Variants in RAB19 observed in about 807,000 individuals in gnomAD.
RAB19 encodes the protein ras-related protein Rab-19.
RAB19 carries 21 observed loss-of-function variants against 17.3 expected under a neutral mutation model. The observed-to-expected ratio is 1.21, with a 90% CI of 0.86 to 1.74. The LOEUF (loss-of-function observed/expected upper bound fraction) is 1.74. Among genes scored for constraint, RAB19 ranks in the 40% most tolerant of loss-of-function variants. RAB19 has a pLI of 0.00. For missense variants in RAB19, 277 were observed against 286.8 expected, an observed-to-expected ratio of 0.97 and a Z score of 0.25; for synonymous variants, 126 against 110.4, an observed-to-expected ratio of 1.14 and a Z score of -0.88.
rs180693318 is a variant in RAB19, at chr7:140,409,823, C to A, written c.201+1976C>A. On this transcript the variant is annotated intron_variant, in intron 2 of 3. Transcript: ENST00000537763. ...CCTGGCTAACACGGTGAAACCCCGT[C>A]TCTACTAAAAATACAAAAAATCAGC... 3.1e-3 allele frequency among the ~76,000 whole-genome samples: 464 copies of A among 151,880 alleles called. 5 individuals carry two copies. Among genetic ancestry groups the A allele is most frequent in the African/African-American group, 0.011 (449 of 41,448 alleles).
Position 140,427,511 on chromosome 7 carries a change from G to A in RAB19, c.*1361G>A, listed in dbSNP as rs1394556374. Among the ~76,000 whole-genome samples the A allele has an allele frequency of 1.4e-5, 2 of 144,984 alleles. No homozygotes were observed. The highest frequency in any genetic ancestry group is 1.4e-4 in the Admixed American group (2 of 14,094). On this transcript the variant is annotated 3_prime_UTR_variant, in exon 4 of 4. Transcript: ENST00000537763. ...TTGTTGCCCAGGCTGGAGTGCAATG[G>A]TGTGACCTCGGCTCACTGCAACTTC...
At chr7:140,407,880 C>CAT in intron 2 of RAB19, 33 bp downstream of exon 2, 1 of 637,324 alleles carries the variant, frequency 1.6e-6, no homozygotes, top group Non-Finnish European at 2.3e-6. Context: ...CTGGTTCCAC[C>CAT]TTTTTTTTTT....
intron 3 of RAB19, among the ~76,000 whole-genome samples, chr7:140,420,506 G>C (rs1346252880): frequency 6.6e-6 from 1 of 152,070 alleles, no homozygotes; most frequent in Non-Finnish European, 1.5e-5. Context: ...CCCTGGGAAG[G>C]AGAGAACGGA....
chr7:140,414,338 G>A (rs912605385), intron 3 of RAB19, among the ~76,000 whole-genome samples: 4 of 151,938 alleles, frequency 2.6e-5, no homozygotes, highest in African/African-American at 4.8e-5. Context: ...CACCACCCCC[G>A]GCCCCTCTGT....
chr7:140,420,241 C>T (rs1047277737), intron 3 of RAB19, among the ~76,000 whole-genome samples: 61 of 151,806 alleles, frequency 4.0e-4, no homozygotes, highest in Non-Finnish European at 7.2e-4. Flanking sequence ...GCCAACATGG[C>T]GAAACCCCGT....
In RAB19 at chr7:140,426,161, A is replaced by C. The variant is rs1799668193; in HGVS notation, c.*11A>C. The C allele has an allele frequency of 1.2e-6, 2 of 1,610,084 alleles. No homozygotes were observed. Among genetic ancestry groups the C allele is most frequent in the African/African-American group, 2.7e-5 (2 of 74,926 alleles). On this transcript the variant is annotated 3_prime_UTR_variant, in exon 4 of 4. Transcript: ENST00000537763. Reference sequence around the variant, plus strand: ...CACTGCACTTGCTAAGATGTTTGCAAAGCCAGTTGCACCCACCAAAGAGGC... The same window carrying C: ...CACTGCACTTGCTAAGATGTTTGCACAGCCAGTTGCACCCACCAAAGAGGC...
chr7:140,408,173 C>A (rs770792975), intron 2 of RAB19, among the ~76,000 whole-genome samples: 7 of 151,850 alleles, frequency 4.6e-5, no homozygotes, highest in Non-Finnish European at 1.0e-4. Flanking sequence ...GTGTGAGCCA[C>A]CGCGCCTGGC....
In RAB19 at chr7:140,410,313, CTTTTTT is replaced by C. The variant is rs762151021; in HGVS notation, c.202-1542_202-1537del. 4.9e-5 allele frequency among the ~76,000 whole-genome samples: 4 copies of C among 81,034 alleles called. No homozygotes were observed. The South Asian group carries it at 1.5e-3, about 31-fold the overall frequency. 53.2% of individuals were successfully genotyped at this position (81,034 alleles called of 152,430 possible). The stretch of plus-strand genomic sequence containing the variant: ...ATGCCCAGCTAATTTTTGTATTTTT[CTTTTTT>C]TTTTTTTTTTTTTTTTTTGAGACGG... On this transcript the variant is annotated intron_variant, in intron 2 of 3. Transcript: ENST00000537763.
rs573862688 is a variant in RAB19, at chr7:140,412,058, G to T, written c.385+1G>T. 7 of 1,608,906 alleles carry T rather than the reference G, an allele frequency of 4.4e-6. No homozygotes were observed. Among genetic ancestry groups the T allele is most frequent in the African/African-American group, 2.7e-5 (2 of 74,892 alleles). On this transcript the variant is annotated splice_donor_variant, in intron 3 of 3. Transcript: ENST00000537763. LOFTEE classifies it high-confidence loss of function. ...GCAAATGTGGTCATTATGCTGATTG[G>T]TATGGCATTTTTGAAGTTTTTAACT...
intron 3 of RAB19, among the ~76,000 whole-genome samples, chr7:140,424,643 G>T (rs1447816263): frequency 7.6e-6 from 1 of 132,188 alleles, no homozygotes; most frequent in Non-Finnish European, 1.5e-5. Context: ...ATATATATGT[G>T]TGTGTGTATA....
chr7:140,420,362 A>G (rs1799535258), intron 3 of RAB19, among the ~76,000 whole-genome samples: 1 of 147,594 alleles, frequency 6.8e-6, no homozygotes, highest in Non-Finnish European at 1.5e-5. Flanking sequence ...CAGAGGTTGC[A>G]GTGAGCTGAG....
chr7:140,407,580 T>G (rs1208395221), intron 1 of RAB19, 44 bp from the exon 2 acceptor site: 1 of 1,472,952 alleles, frequency 6.8e-7, no homozygotes, highest in Non-Finnish European at 9.5e-7. Flanking sequence ...TGTCTTGTAC[T>G]GGATCCCCAG....
chr7:140,426,112 G>T lies in RAB19; in HGVS notation c.616G>T (p.Ala206Ser). Residue 206 changes from alanine to serine, a missense_variant, in exon 4 of 4, where the codon GCC becomes TCC. Transcript: ENST00000537763. ...LPLDSSPVLMAQGPSEKTHCT... is the reference protein window; with the variant it reads ...LPLDSSPVLMSQGPSEKTHCT... The stretch of plus-strand genomic sequence containing the variant: ...CCTGGACTCCAGCCCCGTTCTTATG[G>T]CCCAGGGTCCAAGTGAAAAGACCCA... 1 of 1,614,068 alleles carries T rather than the reference G, an allele frequency of 6.2e-7. No individual in the cohort carries two copies. The highest frequency in any genetic ancestry group is 8.5e-7 in the Non-Finnish European group (1 of 1,180,012).
chr7:140,407,882 T>C, intron 2 of RAB19, 35 bp downstream of exon 2: 1 of 100,070 alleles, frequency 1.0e-5, no homozygotes, highest in Non-Finnish European at 1.4e-5. Context: ...GGTTCCACCT[T>C]TTTTTTTTTT....
intron 3 of RAB19, among the ~76,000 whole-genome samples, chr7:140,424,198 C>T (rs1330589970): frequency 6.8e-6 from 1 of 148,130 alleles, no homozygotes; most frequent in Non-Finnish European, 1.5e-5. Context: ...GCTGTTGTCA[C>T]CCAGGCTGGA....
chr7:140,416,613 C>G lies in RAB19; in HGVS notation c.385+4556C>G, dbSNP rs141870944. On this transcript the variant is annotated intron_variant, in intron 3 of 3. Transcript: ENST00000537763. The stretch of plus-strand genomic sequence containing the variant: ...TTGCCTCCCTAACAAAATGAAGAAG[C>G]CCTTCCTTGGGGCAGGGCCGTCTGT... Among the ~76,000 whole-genome samples the G allele has an allele frequency of 1.9e-3, 285 of 152,294 alleles. 3 individuals carry two copies. Among genetic ancestry groups the G allele is most frequent in the African/African-American group, 6.5e-3 (272 of 41,572 alleles).
At chr7:140,422,989 T>C (rs1338903346) in intron 3 of RAB19, among the ~76,000 whole-genome samples, 1 of 151,550 alleles carries the variant, frequency 6.6e-6, no homozygotes, top group Admixed American at 6.6e-5. Context: ...ATGCCTGTAA[T>C]CCCAGTTATT....
intron 3 of RAB19, among the ~76,000 whole-genome samples, chr7:140,418,589 AAAAG>A (rs1454853316): frequency 1.3e-5 from 2 of 151,322 alleles, no homozygotes; most frequent in African/African-American, 4.9e-5. Flanking sequence ...AAAAAAAAAA[AAAAG>A]AAGAATATTG....
At chr7:140,410,734 A>G (rs1352137188) in intron 2 of RAB19, among the ~76,000 whole-genome samples, 1 of 152,146 alleles carries the variant, frequency 6.6e-6, no homozygotes, top group Non-Finnish European at 1.5e-5. Context: ...CTGGGATCAC[A>G]GGCATGAGCC....
Sources: gnomAD v4.1 joint callset for allele counts (sites outside exome capture counted in the v4.1 genomes callset) on GRCh38, gnomAD v4.1.1 for gene constraint, MANE v1.5 for transcripts, NCBI Gene and HGNC (gene_info 2026-07-23, HGNC 2026-07-21) for gene names.